AP5Z1: variants seen among roughly 807,000 people sequenced by gnomAD.
AP5Z1 encodes the protein AP-5 complex subunit zeta-1.
AP5Z1 carries 106 observed loss-of-function variants against 83.0 expected under a neutral mutation model. That is an observed-to-expected ratio of 1.28 (90% CI 1.09 to 1.50). The LOEUF (loss-of-function observed/expected upper bound fraction) is 1.50, where lower values mean the gene tolerates loss of function less well. Among genes scored for constraint, AP5Z1 ranks in the 40% most tolerant of loss-of-function variants. The probability of loss-of-function intolerance (pLI) is 0.00; values close to 1 mark genes in which losing one functional copy is unlikely to be tolerated. For missense variants in AP5Z1, 1,565 were observed against 1,094.2 expected, an observed-to-expected ratio of 1.43 and a Z score of -6.07; for synonymous variants, 751 against 514.1, an observed-to-expected ratio of 1.46 and a Z score of -6.23.
At chr7:4,785,764 T>A in intron 9 of AP5Z1, 80 bp downstream of exon 9, 1 of 1,092,602 alleles carries the variant, frequency 9.2e-7, no homozygotes, top group Non-Finnish European at 1.2e-6. Flanking sequence ...TCTTCCCTTT[T>A]TTTTTTTTTT....
At position 4,792,411 on chromosome 7, in the gene AP5Z1, C is replaced by G. The variant is rs1781811742; in HGVS notation, c.*1026C>G. On this transcript the variant is annotated 3_prime_UTR_variant, in exon 17 of 17. Coordinates refer to ENST00000649063, the MANE Select transcript of AP5Z1 (RefSeq NM_014855.3). ...CCCCCAATCCCCCATAGCTCTGCGACTAAGAAACCACAGGCTGAAGGCGAC... is the reference window on the plus strand; with the variant it reads ...CCCCCAATCCCCCATAGCTCTGCGAGTAAGAAACCACAGGCTGAAGGCGAC... The G allele has an allele frequency of 6.6e-6, 1 of 151,604 alleles. No homozygotes were observed. Among genetic ancestry groups the G allele is most frequent in the East Asian group, 1.9e-4 (1 of 5,132 alleles). 9.4% of individuals were successfully genotyped at this position (151,604 alleles called of 1,614,324 possible).
chr7:4,783,002 C>T (rs1262373197), intron 3 of AP5Z1, among the ~76,000 whole-genome samples: 1 of 152,174 alleles, frequency 6.6e-6, no homozygotes, highest in Non-Finnish European at 1.5e-5. Context: ...CACTGGAGGC[C>T]CCGCAGGACG....
At chr7:4,788,714 C>T (rs573534415) in intron 12 of AP5Z1, 126 bp from the exon 13 acceptor site, 16 of 833,158 alleles carry the variant, frequency 1.9e-5, no homozygotes, top group East Asian at 5.7e-5. Context: ...CAGGAGGTCC[C>T]GAGAGGCGAT....
In AP5Z1 at chr7:4,786,380, C is replaced by T. The variant is rs765469217; in HGVS notation, c.1263C>T (p.Phe421=). The T allele has an allele frequency of 1.2e-6, 2 of 1,613,948 alleles. No individual in the cohort carries two copies. The highest frequency in any genetic ancestry group is 1.1e-5 in the South Asian group (1 of 91,090). ...TCTGCAGGGACAACCTCCACCTGTT[C>T]AGCGGGCACCTCAGCACCCTCAGAT... ...IQFCRDNLHL[F]SGHLSTLRLS... is the part of the protein sequence containing the mutation. Residue 421 remains phenylalanine (F), a synonymous_variant, in exon 10 of 17, where the codon TTC becomes TTT. Coordinates refer to ENST00000649063, the MANE Select transcript of AP5Z1 (RefSeq NM_014855.3).
rs1464529913 is a variant in AP5Z1 at position 4,788,921 on chromosome 7, G to A, written c.1677G>A (p.Leu559=). The A allele has an allele frequency of 6.2e-7, 1 of 1,611,242 alleles. No individual in the cohort carries two copies. Among genetic ancestry groups the A allele is most frequent in the African/African-American group, 1.3e-5 (1 of 74,886 alleles). ...AGTGTGCCCAGGCCGTGCCCACGCT[G>A]CTGCAGGCATTCTTCTCAGCAGTGA... ...VAQCAQAVPT[L]LQAFFSAVTQ... is the part of the protein sequence containing the mutation. Residue 559 remains leucine, a synonymous_variant, in exon 13 of 17, where the codon CTG becomes CTA. Coordinates refer to ENST00000649063, the MANE Select transcript of AP5Z1 (RefSeq NM_014855.3).
intron 6 of AP5Z1, 131 bp downstream of exon 6, chr7:4,784,502 C>G (rs1381293594): frequency 1.8e-6 from 2 of 1,130,434 alleles, no homozygotes; most frequent in African/African-American, 3.1e-5. Context: ...CAGGACTGAG[C>G]AACGCAGCCT....
rs1189185892 is a variant in AP5Z1 at position 4,784,263 on chromosome 7, A to G, written c.682A>G (p.Ser228Gly). ...VATDFFTVLS[S>G]GHRFTDDQWL... is the part of the protein sequence containing the mutation. ...CACAGACTTCTTCACGGTGCTCTCC[A>G]GCGGCCACCGCTTCACAGACGACCA... Residue 228 changes from serine (S) to glycine (G), a missense_variant, in exon 6 of 17, where the codon AGC becomes GGC. Transcript: ENST00000649063. The G allele has an allele frequency of 8.8e-6, 14 of 1,596,412 alleles. No homozygotes were observed. Among genetic ancestry groups the G allele is most frequent in the East Asian group, 4.5e-5 (2 of 43,986 alleles).
At position 4,790,504 on chromosome 7, in the gene AP5Z1, C is replaced by T. The variant is rs374907641; in HGVS notation, c.1851C>T (p.Ser617=). The T allele has an allele frequency of 6.2e-7, 1 of 1,613,150 alleles. No individual in the cohort carries two copies. The highest frequency in any genetic ancestry group is 1.1e-5 in the South Asian group (1 of 91,084). ...TGGCCCTGTGTACGCTGAAACCCTCCCTGGTGGTGGAGCTGGCAAGAGACC... is the reference window on the plus strand; with the variant it reads ...TGGCCCTGTGTACGCTGAAACCCTCTCTGGTGGTGGAGCTGGCAAGAGACC... ...QFLALCTLKP[S]LVVELARDLL... Residue 617 remains serine (S), a synonymous_variant, in exon 15 of 17, where the codon TCC becomes TCT. Transcript: ENST00000649063.
At position 4,781,709 on chromosome 7, in the gene AP5Z1, G is replaced by C. The variant is rs2115103243; in HGVS notation, c.321G>C (p.Gln107His). Residue 107 changes from glutamine (Q) to histidine (H), a missense_variant, in exon 3 of 17, where the codon CAG becomes CAC. Transcript: ENST00000649063. ...DSLSLAWDHT[Q>H]NSRQLSLVAS... The stretch of plus-strand genomic sequence containing the variant: ...TCAGCCTGGCCTGGGACCACACGCA[G>C]AACAGCCGGCAGCTGAGCCTGGTGG... The C allele has an allele frequency of 9.5e-6, 15 of 1,584,384 alleles. No homozygotes were observed. The highest frequency in any genetic ancestry group is 2.3e-5 in the East Asian group (1 of 43,976).
At chr7:4,781,536 T>C in intron 2 of AP5Z1, 32 bp from the exon 3 acceptor site, 1 of 1,596,008 alleles carries the variant, frequency 6.3e-7, no homozygotes, top group Non-Finnish European at 8.6e-7. Context: ...TCGTGACGTG[T>C]TACCGCCCAC....
At chr7:4,784,758 G>C (rs1344753729) in intron 6 of AP5Z1, 150 bp from the exon 7 acceptor site, 5 of 1,098,616 alleles carry the variant, frequency 4.6e-6, no homozygotes, top group Non-Finnish European at 5.0e-6. Flanking sequence ...GAAGCTGCCG[G>C]GTGGGTGGAC....
intron 6 of AP5Z1, among the ~76,000 whole-genome samples, 188 bp downstream of exon 6, chr7:4,784,559 G>A (rs1003387176): frequency 1.2e-4 from 18 of 152,128 alleles, no homozygotes; most frequent in African/African-American, 4.1e-4. Flanking sequence ...AGCATCTTTG[G>A]GGTCCAGGGT....
At chr7:4,790,078 C>G in intron 14 of AP5Z1, 149 bp downstream of exon 14, 4 of 1,225,592 alleles carry the variant, frequency 3.3e-6, no homozygotes, top group Non-Finnish European at 4.3e-6. Flanking sequence ...CCACCCACAG[C>G]CCCACACCCA....
Position 4,781,203 on chromosome 7 carries a change from T to G in AP5Z1, c.70T>G (p.Phe24Val). Residue 24 changes from phenylalanine (F) to valine (V), a missense_variant, in exon 2 of 17, where the codon TTC becomes GTC. Physicochemically the swap from Phe to Val is conservative, Grantham distance 50. Transcript: ENST00000649063. ...REIQDEELKK[F>V]CSRICKLLQA... ...GATCCAGGACGAGGAGCTGAAGAAG[T>G]TCTGTTCCCGGATCTGTAAACTGCT... 1 of 1,613,642 alleles carries G rather than the reference T, an allele frequency of 6.2e-7. No individual in the cohort carries two copies. Among genetic ancestry groups the G allele is most frequent in the Non-Finnish European group, 8.5e-7 (1 of 1,179,550 alleles).
rs1229956938 is a variant in AP5Z1, at chr7:4,791,797, C to T, written c.*412C>T. 1.7e-5 allele frequency: 3 copies of T among 173,010 alleles called. No homozygotes were observed. Among genetic ancestry groups the T allele is most frequent in the African/African-American group, 4.7e-5 (2 of 42,158 alleles). The allele number at this position is 173,010 out of a possible 1,614,324, so 10.7% of individuals were successfully genotyped here. A position where few individuals can be genotyped will look rare whatever the true frequency, so the allele number is the denominator to read the frequency against. On this transcript the variant is annotated 3_prime_UTR_variant, in exon 17 of 17. Transcript: ENST00000649063. The stretch of plus-strand genomic sequence containing the variant: ...TGCGCGATCAGTTCCGTTACCTGCC[C>T]TGCACCCTGGGGAGAGGACCAGGGA...
rs113184057 is a variant in AP5Z1 at position 4,790,865 on chromosome 7, C to G, written c.2131C>G (p.Arg711Gly). 2,313 of 1,605,730 alleles carry G rather than the reference C, an allele frequency of 1.4e-3. 2 individuals carry two copies. The highest frequency in any genetic ancestry group is 1.8e-3 in the Non-Finnish European group (2,155 of 1,177,268). Residue 711 changes from arginine (R) to glycine (G), a missense_variant, in exon 16 of 17, where the codon CGG becomes GGG. Transcript: ENST00000649063. Reference protein sequence around the residue: ...LMTTLTKLASRSQDLIPRASL... With the variant: ...LMTTLTKLASGSQDLIPRASL... Reference sequence around the variant, plus strand: ...GACCACGCTGACGAAGCTGGCCTCCCGGAGCCAAGATCTGATCCCCAGGTG... The same window carrying G: ...GACCACGCTGACGAAGCTGGCCTCCGGGAGCCAAGATCTGATCCCCAGGTG...
At chr7:4,784,404 G>A in intron 6 of AP5Z1, 33 bp downstream of exon 6, 2 of 1,554,780 alleles carry the variant, frequency 1.3e-6, no homozygotes, top group Middle Eastern at 2.0e-4. Flanking sequence ...GTCAGACAGG[G>A]GTGGGAGGTG....
Position 4,790,753 on chromosome 7 carries a change from C to G in AP5Z1, c.2019C>G (p.Ala673=), listed in dbSNP as rs368623061. Reference sequence around the variant, plus strand: ...AGCAGATCAACAAGTTCTTCGAAGCCCTGGAGGCTCTGCTATTCGAGGTCA... The same window carrying G: ...AGCAGATCAACAAGTTCTTCGAAGCGCTGGAGGCTCTGCTATTCGAGGTCA... The part of the protein sequence containing the change: ...TVEQINKFFE[A]LEALLFEVTQ... The change falls in exon 16 of 17, where the codon GCC becomes GCG. Residue 673 remains alanine (A), a synonymous_variant. Transcript: ENST00000649063. The G allele has an allele frequency of 2.0e-5, 32 of 1,609,420 alleles. No individual in the cohort carries two copies. The African/African-American group carries it at 3.7e-4, about 19-fold the overall frequency.
chr7:4,785,557 G>A lies in AP5Z1; in HGVS notation c.1005G>A (p.Leu335=). The change falls in exon 9 of 17, where the codon CTG becomes CTA. Residue 335 remains leucine, a synonymous_variant. Transcript: ENST00000649063. ...LVEAVLVLDV[L]CRQDPSFLYR... is the part of the protein sequence containing the mutation. ...AGGCCGTGCTGGTGCTGGACGTGCT[G>A]TGCCGGCAGGACCCGTCCTTCCTGT... is the stretch of plus-strand genomic sequence containing the variant. 1 of 1,611,624 alleles carries A rather than the reference G, an allele frequency of 6.2e-7. No homozygotes were observed. The highest frequency in any genetic ancestry group is 8.5e-7 in the Non-Finnish European group (1 of 1,179,344).
Sources: gnomAD v4.1 joint callset for allele counts (sites outside exome capture counted in the v4.1 genomes callset) on GRCh38, gnomAD v4.1.1 for gene constraint, MANE v1.5 for transcripts, NCBI Gene and HGNC (gene_info 2026-07-23, HGNC 2026-07-21) for gene names.